ARHGAP42: variants seen among roughly 807,000 people sequenced by gnomAD.
The protein encoded by ARHGAP42 is Rho GTPase activating protein 42, also known as rho GTPase-activating protein 42.
ARHGAP42 carries 63 observed loss-of-function variants against 125.0 expected under a neutral mutation model. The observed-to-expected ratio is 0.50, with a 90% CI of 0.41 to 0.62. ARHGAP42 has a LOEUF of 0.62. ARHGAP42 is among the 20% of genes least tolerant of loss of function. The pLI is 0.00. For missense variants in ARHGAP42, 766 were observed against 1,024.2 expected (o/e 0.75, Z 3.44); for synonymous variants, 339 against 351.0 (o/e 0.97, Z 0.38).
chr11:100,788,531 A>G (rs1164422568), intron 2 of ARHGAP42, among the ~76,000 whole-genome samples: 2 of 152,168 alleles, frequency 1.3e-5, no homozygotes, highest in Non-Finnish European at 2.9e-5. Flanking sequence ...GAAGCAATTT[A>G]TTGACTTTGC....
In ARHGAP42 at chr11:100,948,439, A is replaced by G. The variant is rs1287450773; in HGVS notation, c.1044-18A>G. The G allele has an allele frequency of 1.0e-5, 15 of 1,503,066 alleles. No homozygotes were observed. In the South Asian group the frequency reaches 1.9e-4, roughly 19 times the overall value. The allele number at this position is 1,503,066 out of a possible 1,614,324, so 93.1% of individuals were successfully genotyped here. On this transcript the variant is annotated intron_variant, in intron 10 of 23. Transcript: ENST00000298815. The stretch of plus-strand genomic sequence containing the variant: ...AGTAGTAAATGTGTAAATATAGAAA[A>G]TATTTGTTTTTAAATAGGCATGGGA...
At chr11:100,797,653 A>G (rs1863750465) in intron 3 of ARHGAP42, among the ~76,000 whole-genome samples, 1 of 152,160 alleles carries the variant, frequency 6.6e-6, no homozygotes, top group Non-Finnish European at 1.5e-5. Context: ...TTGACAATAT[A>G]CCTGGTCACC....
chr11:100,895,872 G>A (rs1460342342), intron 4 of ARHGAP42, among the ~76,000 whole-genome samples: 1 of 151,980 alleles, frequency 6.6e-6, no homozygotes, highest in African/African-American at 2.4e-5. Context: ...TCAAGTTCTA[G>A]GGTACATGTG....
At chr11:100,769,080 G>T (rs1862908230) in intron 1 of ARHGAP42, among the ~76,000 whole-genome samples, 1 of 152,142 alleles carries the variant, frequency 6.6e-6, no homozygotes, top group South Asian at 2.1e-4. Flanking sequence ...ACTGTAGGCA[G>T]TTGTAACACA....
intron 1 of ARHGAP42, among the ~76,000 whole-genome samples, chr11:100,703,899 C>CA (rs1861437404): frequency 6.6e-6 from 1 of 152,190 alleles, no homozygotes; most frequent in Admixed American, 6.5e-5. Flanking sequence ...GCACCGAAGA[C>CA]AGACAATGGC....
Position 100,992,296 on chromosome 11 carries a change from C to CA in ARHGAP42, c.*3496dup, listed in dbSNP as rs766850230. The CA allele has an allele frequency of 6.4e-7, 1 of 1,569,378 alleles. No homozygotes were observed. Among genetic ancestry groups the CA allele is most frequent in the Non-Finnish European group, 8.6e-7 (1 of 1,162,000 alleles). On this transcript the variant is annotated 3_prime_UTR_variant, in exon 24 of 24. Coordinates refer to ENST00000298815, the MANE Select transcript of ARHGAP42 (RefSeq NM_152432.4). ...TTGCTTTTATGATACATTTGTAACT[C>CA]ACAGCTGTTAGCATGACCTCACATC... is the stretch of plus-strand genomic sequence containing the variant.
chr11:100,969,484 A>G (rs1187328476), intron 17 of ARHGAP42, among the ~76,000 whole-genome samples: 1 of 152,032 alleles, frequency 6.6e-6, no homozygotes, highest in Non-Finnish European at 1.5e-5. Flanking sequence ...TACTCCCATT[A>G]TGCATTTATG....
At chr11:100,784,252 CT>C (rs1727829397) in intron 2 of ARHGAP42, among the ~76,000 whole-genome samples, 1 of 152,154 alleles carries the variant, frequency 6.6e-6, no homozygotes, top group Non-Finnish European at 1.5e-5. Flanking sequence ...AGGCACGTAC[CT>C]TATGGCCACA....
At position 100,992,557 on chromosome 11, in the gene ARHGAP42, A is replaced by G. The variant is rs1221540100; in HGVS notation, c.*3756A>G. The G allele has an allele frequency of 6.2e-7, 1 of 1,613,970 alleles. No individual in the cohort carries two copies. Among genetic ancestry groups the G allele is most frequent in the Non-Finnish European group, 8.5e-7 (1 of 1,179,994 alleles). On this transcript the variant is annotated 3_prime_UTR_variant, in exon 24 of 24. Coordinates refer to ENST00000298815, the MANE Select transcript of ARHGAP42 (RefSeq NM_152432.4). ...CTGCCTGTCTCCTGTTGATTCGCAG[A>G]TGTAATATCGAGTATTCATCAACTG...
At chr11:100,815,049 G>T (rs1331073433) in intron 3 of ARHGAP42, among the ~76,000 whole-genome samples, 3 of 152,188 alleles carry the variant, frequency 2.0e-5, no homozygotes, top group African/African-American at 7.2e-5. Context: ...CTCTTATGGT[G>T]TCCAGTACTT....
chr11:100,770,648 ACTCACTGCAACCTCTGC>A (rs1305375951), intron 2 of ARHGAP42, among the ~76,000 whole-genome samples: 1 of 151,918 alleles, frequency 6.6e-6, no homozygotes, highest in Admixed American at 6.6e-5. Context: ...CGTAATCTTG[ACTCACTGCAACCTCTGC>A]CTCCCGGGTT....
At chr11:100,963,902 A>G (rs150978469) in intron 16 of ARHGAP42, among the ~76,000 whole-genome samples, 2 of 152,272 alleles carry the variant, frequency 1.3e-5, no homozygotes, top group South Asian at 2.1e-4. Context: ...AATTTGAGCT[A>G]CTTGGCTAAA....
At chr11:100,836,820 A>G (rs140914926) in intron 3 of ARHGAP42, among the ~76,000 whole-genome samples, 247 of 150,282 alleles carry the variant, frequency 1.6e-3, no homozygotes, top group African/African-American at 5.9e-3. Context: ...TGGGACTTGA[A>G]CACCTCATTA....
rs1475748071 is a variant in ARHGAP42, at chr11:100,881,535, G to A, written c.384+21910G>A. On this transcript the variant is annotated intron_variant, in intron 4 of 23. Transcript: ENST00000298815. ...TGATGCCTCCAGATTTGTTCTTTTT[G>A]CTTAGTCTTGGTTTGGCTATGTGGG... 2.0e-5 allele frequency among the ~76,000 whole-genome samples: 3 copies of A among 152,044 alleles called. No individual in the cohort carries two copies. The East Asian group carries it at 5.8e-4, about 29-fold the overall frequency.
intron 8 of ARHGAP42, among the ~76,000 whole-genome samples, chr11:100,937,926 A>G (rs11224528): frequency 0.092 from 14,032 of 152,124 alleles, 919 homozygotes; most frequent in Non-Finnish European, 0.13. Flanking sequence ...TGGGGGTTAC[A>G]TGGATGGACT....
intron 4 of ARHGAP42, among the ~76,000 whole-genome samples, chr11:100,864,161 G>T (rs1168536916): frequency 6.6e-6 from 1 of 151,622 alleles, no homozygotes; most frequent in Non-Finnish European, 1.5e-5. Context: ...TGACTCTGAA[G>T]TATAGATAGA....
At chr11:100,843,248 A>G (rs1399652962) in intron 3 of ARHGAP42, among the ~76,000 whole-genome samples, 2 of 151,858 alleles carry the variant, frequency 1.3e-5, no homozygotes, top group Non-Finnish European at 2.9e-5. Flanking sequence ...AAGATACAAC[A>G]CTCCTAGCTT....
chr11:100,713,047 G>C (rs1861591140), intron 1 of ARHGAP42, among the ~76,000 whole-genome samples: 1 of 151,712 alleles, frequency 6.6e-6, no homozygotes, highest in Non-Finnish European at 1.5e-5. Context: ...TAAGCACGTG[G>C]TTTTTGTGGA....
intron 3 of ARHGAP42, among the ~76,000 whole-genome samples, chr11:100,799,136 A>C (rs1012351821): frequency 6.6e-6 from 1 of 152,248 alleles, no homozygotes; most frequent in Non-Finnish European, 1.5e-5. Flanking sequence ...GAATTCCCAG[A>C]AGTTTTTGGA....
Sources: allele counts gnomAD v4.1 joint callset (sites outside exome capture counted in the v4.1 genomes callset), GRCh38; gene constraint gnomAD v4.1.1; transcripts MANE v1.5; gene names NCBI Gene and HGNC (gene_info 2026-07-23, HGNC 2026-07-21).